SHQ1: variants seen among roughly 807,000 people sequenced by gnomAD.
SHQ1 encodes the protein protein SHQ1 homolog.
In SHQ1, 49 loss-of-function variants were observed where a neutral mutation model predicts 53.8. That is an observed-to-expected ratio of 0.91 (90% CI 0.72 to 1.16). The LOEUF is 1.16. SHQ1 is among the 50% of genes most tolerant of loss of function. SHQ1 has a pLI of 0.00. For missense variants in SHQ1, 738 were observed against 683.1 expected (o/e 1.08, Z -0.90); for synonymous variants, 243 against 251.0 (o/e 0.97, Z 0.30).
intron 10 of SHQ1, among the ~76,000 whole-genome samples, chr3:72,761,441 AG>A (rs1463737459): frequency 6.6e-6 from 1 of 152,154 alleles, no homozygotes; most frequent in African/African-American, 2.4e-5. Context: ...CAAAGAGCTG[AG>A]ATTATAGGCA....
At chr3:72,777,627 T>G (rs1705985175) in intron 10 of SHQ1, among the ~76,000 whole-genome samples, 1 of 152,226 alleles carries the variant, frequency 6.6e-6, no homozygotes, top group Non-Finnish European at 1.5e-5. Context: ...GTATGGCCAC[T>G]TTGGAAAACA....
At chr3:72,765,551 ATATATATTT>A (rs1705704993) in intron 10 of SHQ1, among the ~76,000 whole-genome samples, 1 of 88,184 alleles carries the variant, frequency 1.1e-5, no homozygotes, top group East Asian at 2.5e-4. Flanking sequence ...ATATATATAT[ATATATATTT>A]TTTTTTTTTT....
At chr3:72,758,560 A>ATTT (rs201098371) in intron 10 of SHQ1, among the ~76,000 whole-genome samples, 1 of 134,132 alleles carries the variant, frequency 7.5e-6, no homozygotes, top group African/African-American at 3.0e-5. Flanking sequence ...TGAGGCTACT[A>ATTT]TTTTTTCTTT....
chr3:72,725,720 T>A, the SHQ1 span, among the ~76,000 whole-genome samples: 3 of 152,162 alleles, frequency 2.0e-5, no homozygotes, highest in African/African-American at 7.2e-5. Context: ...TAGATGCTTG[T>A]TGAATGAATA....
At chr3:72,805,558 A>G (rs962490212) in intron 9 of SHQ1, among the ~76,000 whole-genome samples, 1 of 152,186 alleles carries the variant, frequency 6.6e-6, no homozygotes, top group African/African-American at 2.4e-5. Context: ...TTTTTAAGCC[A>G]TACATTCAAA....
At chr3:72,761,744 C>T (rs1705614036) in intron 10 of SHQ1, among the ~76,000 whole-genome samples, 1 of 152,078 alleles carries the variant, frequency 6.6e-6, no homozygotes, top group African/African-American at 2.4e-5. Flanking sequence ...AATAATGTGG[C>T]ACCTTCTTTG....
At chr3:72,829,682 C>CT (rs1204173547) in intron 5 of SHQ1, among the ~76,000 whole-genome samples, 3 of 152,082 alleles carry the variant, frequency 2.0e-5, no homozygotes, top group South Asian at 4.2e-4. Context: ...TAATATACAT[C>CT]TTTTTTCACA....
chr3:72,820,132 G>T (rs1009029753), intron 6 of SHQ1, among the ~76,000 whole-genome samples: 1 of 152,162 alleles, frequency 6.6e-6, no homozygotes, highest in Non-Finnish European at 1.5e-5. Context: ...TTAGCAACAT[G>T]TCAACTCTCT....
At chr3:72,817,193 G>C (rs917403245) in intron 7 of SHQ1, 37 bp downstream of exon 7, 4 of 1,592,318 alleles carry the variant, frequency 2.5e-6, no homozygotes, top group Non-Finnish European at 3.4e-6. Flanking sequence ...ACTCAGCACA[G>C]TCATCTATGG....
chr3:72,749,187 A>C, downstream of SHQ1: 1 of 189,748 alleles, frequency 5.3e-6, no homozygotes, highest in Non-Finnish European at 1.1e-5. Flanking sequence ...CATTTTCTTA[A>C]AACATTAAAC....
At chr3:72,831,793 T>C (rs1315930650) in intron 5 of SHQ1, among the ~76,000 whole-genome samples, 4 of 152,212 alleles carry the variant, frequency 2.6e-5, no homozygotes, top group African/African-American at 9.6e-5. Context: ...TTAAGCCTGA[T>C]GGAGATACAT....
intron 9 of SHQ1, among the ~76,000 whole-genome samples, chr3:72,800,415 T>C (rs1706752041): frequency 6.6e-6 from 1 of 152,238 alleles, no homozygotes; most frequent in African/African-American, 2.4e-5. Context: ...TCTTCCTTGT[T>C]TCATAAATGA....
rs780846560 is a variant in SHQ1 at position 72,817,364 on chromosome 3, T to C, written c.748A>G (p.Lys250Glu). Residue 250 changes from lysine (K) to glutamate (E), a missense_variant, in exon 7 of 11, where the codon AAG (lysine) becomes GAG (glutamate). Lys to Glu is a moderately conservative substitution (Grantham distance 56). Transcript: ENST00000325599. ...TTGACAAATTTTCGTAGCTGATACT[T>C]CTCTTCTTCAGAAAAAGACACTAGA... ...ATLVSFSEEEKYQLRKFVNKS... is the reference protein window; with the variant it reads ...ATLVSFSEEEEYQLRKFVNKS... 2 of 1,611,052 alleles carry C rather than the reference T, an allele frequency of 1.2e-6. No homozygotes were observed. Among genetic ancestry groups the C allele is most frequent in the Admixed American group, 3.3e-5 (2 of 59,702 alleles).
chr3:72,770,387 G>T (rs1705822437), intron 10 of SHQ1, among the ~76,000 whole-genome samples: 1 of 152,084 alleles, frequency 6.6e-6, no homozygotes, highest in African/African-American at 2.4e-5. Flanking sequence ...TAATGACAGG[G>T]GACAGCTTTC....
chr3:72,732,388 GCCTTCCTTCCTT>G, the SHQ1 span, among the ~76,000 whole-genome samples: 11 of 58,182 alleles, frequency 1.9e-4, no homozygotes, highest in South Asian at 7.4e-4. Flanking sequence ...CTGCCTGCCT[GCCTTCCTTCCTT>G]CCTTCCTTCC....
chr3:72,768,483 G>A (rs1032646864), intron 10 of SHQ1, among the ~76,000 whole-genome samples: 1 of 152,190 alleles, frequency 6.6e-6, no homozygotes, highest in Non-Finnish European at 1.5e-5. Context: ...AAAGCAACTC[G>A]GTTTTACAGG....
chr3:72,772,491 G>T, intron 10 of SHQ1: 2 of 537,340 alleles, frequency 3.7e-6, no homozygotes, highest in Non-Finnish European at 7.0e-6. Context: ...ACATACAGAT[G>T]CATCTGGACC....
At chr3:72,831,232 T>C (rs911914271) in intron 5 of SHQ1, among the ~76,000 whole-genome samples, 3 of 152,198 alleles carry the variant, frequency 2.0e-5, no homozygotes, top group Admixed American at 2.0e-4. Context: ...AGTTCAACCA[T>C]TTATCATTAC....
chr3:72,762,079 AC>A (rs1187449421), intron 10 of SHQ1, among the ~76,000 whole-genome samples: 1 of 152,162 alleles, frequency 6.6e-6, no homozygotes, highest in Non-Finnish European at 1.5e-5. Flanking sequence ...GTGCCCACAA[AC>A]ATGTACATAC....
Sources: allele counts gnomAD v4.1 joint callset (sites outside exome capture counted in the v4.1 genomes callset), GRCh38; gene constraint gnomAD v4.1.1; transcripts MANE v1.5; gene names NCBI Gene and HGNC (gene_info 2026-07-23, HGNC 2026-07-21).